The following DLC1 variants were observed in gnomAD, a reference collection of about 807,000 sequenced individuals.
DLC1 encodes the protein rho GTPase-activating protein 7.
A neutral mutation model predicts 140.3 loss-of-function variants in DLC1; 54 were observed. The ratio of observed to expected loss-of-function variants is 0.38; its 90% CI spans 0.31 to 0.48. DLC1 has a LOEUF of 0.48. DLC1 is among the 20% of genes least tolerant of loss of function. The probability of loss-of-function intolerance (pLI) is 0.96; values close to 1 mark genes in which losing one functional copy is unlikely to be tolerated. For missense variants in DLC1, 2,536 were observed against 1,907.0 expected, an observed-to-expected ratio of 1.33 and a Z score of -6.14; for synonymous variants, 986 against 728.1, an observed-to-expected ratio of 1.35 and a Z score of -5.70.
chr8:13,444,397 A>G lies in DLC1; in HGVS notation c.1024-42778T>C, dbSNP rs780869342. Among the ~76,000 whole-genome samples, 6 of 152,146 alleles carry G rather than the reference A, an allele frequency of 3.9e-5. No individual in the cohort carries two copies. The South Asian group carries it at 1.0e-3, about 26-fold the overall frequency. On this transcript the variant is annotated intron_variant, in intron 2 of 17. Coordinates refer to ENST00000276297, the MANE Select transcript of DLC1 (RefSeq NM_182643.3). The stretch of plus-strand genomic sequence containing the variant: ...AAACCAACATGACACATGTATACCT[A>G]TGTAACAAACCTGCACATTATGCAC...
chr8:13,586,021 T>A (rs1805294345), intron 1 of DLC1, among the ~76,000 whole-genome samples: 1 of 152,152 alleles, frequency 6.6e-6, no homozygotes, highest in East Asian at 1.9e-4. Context: ...AAATAGACAT[T>A]CAAGGGAATG....
intron 5 of DLC1, among the ~76,000 whole-genome samples, chr8:13,154,170 G>A (rs777714420): frequency 3.3e-5 from 5 of 152,236 alleles, no homozygotes; most frequent in Admixed American, 6.5e-5. Flanking sequence ...AAGCCCAGCT[G>A]GCTTCCCCTA....
chr8:13,334,809 A>G (rs1363089785), intron 4 of DLC1, among the ~76,000 whole-genome samples: 3 of 152,222 alleles, frequency 2.0e-5, no homozygotes, highest in Non-Finnish European at 4.4e-5. Context: ...AGATGTCCAA[A>G]GTAGAGATTT....
At chr8:13,222,341 T>C (rs1056891310) in intron 5 of DLC1, among the ~76,000 whole-genome samples, 3 of 152,166 alleles carry the variant, frequency 2.0e-5, no homozygotes, top group Non-Finnish European at 4.4e-5. Context: ...TTATTCTGTA[T>C]TGGATTTTGA....
chr8:13,178,744 C>A (rs1236134650), intron 5 of DLC1, among the ~76,000 whole-genome samples: 2 of 151,654 alleles, frequency 1.3e-5, no homozygotes, highest in Middle Eastern at 3.4e-3. Flanking sequence ...GACAGATAAT[C>A]CTCTACATAT....
Position 13,474,505 on chromosome 8 carries a change from A to G in DLC1, c.1023+24544T>C, listed in dbSNP as rs370921205. Among the ~76,000 whole-genome samples, 315 of 152,260 alleles carry G rather than the reference A, an allele frequency of 2.1e-3. 7 individuals are homozygous for G. In the South Asian group the frequency reaches 0.057, roughly 27 times the overall value. On this transcript the variant is annotated intron_variant, in intron 2 of 17. Coordinates refer to ENST00000276297, the MANE Select transcript of DLC1 (RefSeq NM_182643.3). ...CTAGTGGAGCTGTGAGAAAAGGGCC[A>G]CTGTCCTCCAGACCCCAGAATGGTA...
chr8:13,448,796 A>G (rs1036451256), intron 2 of DLC1, among the ~76,000 whole-genome samples: 2 of 152,216 alleles, frequency 1.3e-5, no homozygotes, highest in African/African-American at 4.8e-5. Flanking sequence ...GTTTTTGCAC[A>G]GATTAGGTCA....
At chr8:13,176,818 A>G (rs561960131) in intron 5 of DLC1, among the ~76,000 whole-genome samples, 8 of 152,294 alleles carry the variant, frequency 5.3e-5, no homozygotes, top group East Asian at 3.9e-4. Flanking sequence ...GGTGGGCCCA[A>G]TGTAATCACA....
intron 1 of DLC1, among the ~76,000 whole-genome samples, chr8:13,523,438 C>T (rs13272534): frequency 0.49 from 74,407 of 151,892 alleles, 19,419 homozygotes; most frequent in Non-Finnish European, 0.59. Flanking sequence ...TTTGGGCATG[C>T]TGTGTTTGAG....
chr8:13,102,922 T>G lies in DLC1; in HGVS notation c.1503-69A>C, dbSNP rs1819218387. 3 of 1,287,684 alleles carry G rather than the reference T, an allele frequency of 2.3e-6. No individual in the cohort carries two copies. In the East Asian group the frequency reaches 6.9e-5, roughly 30 times the overall value. 79.8% of individuals were successfully genotyped at this position (1,287,684 alleles called of 1,614,324 possible). On this transcript the variant is annotated intron_variant, in intron 7 of 17. Transcript: ENST00000276297. ...CTCTAATGAGTGGATAAACACCTGTTTTTAAACAATTCATATATTTAAGGA... is the reference window on the plus strand; with the variant it reads ...CTCTAATGAGTGGATAAACACCTGTGTTTAAACAATTCATATATTTAAGGA...
chr8:13,328,837 C>T (rs1483205128), intron 4 of DLC1, among the ~76,000 whole-genome samples: 3 of 152,054 alleles, frequency 2.0e-5, no homozygotes, highest in African/African-American at 7.2e-5. Context: ...ACAGACTCTT[C>T]CAAAATGAGC....
At chr8:13,158,749 C>CCCCCCA (rs1563120844) in intron 5 of DLC1, among the ~76,000 whole-genome samples, 3 of 102,458 alleles carry the variant, frequency 2.9e-5, no homozygotes, top group Admixed American at 9.3e-5. Context: ...CCCCCCCCCG[C>CCCCCCA]CCGCCACACA....
chr8:13,228,616 G>A (rs973344157), intron 5 of DLC1, among the ~76,000 whole-genome samples: 1 of 152,086 alleles, frequency 6.6e-6, no homozygotes, highest in Admixed American at 6.6e-5. Flanking sequence ...CCAGCATGGT[G>A]GCATGTGGCT....
intron 1 of DLC1, among the ~76,000 whole-genome samples, chr8:13,549,294 T>G (rs1247607045): frequency 2.0e-5 from 3 of 152,076 alleles, no homozygotes; most frequent in African/African-American, 7.2e-5. Context: ...AAAACAATTG[T>G]ATGAAAAGAA....
chr8:13,177,887 ATTC>A (rs1296732590), intron 5 of DLC1, among the ~76,000 whole-genome samples: 2 of 152,160 alleles, frequency 1.3e-5, no homozygotes, highest in African/African-American at 4.8e-5. Context: ...TTCTTCTCTT[ATTC>A]TTTCCATATT....
At chr8:13,198,819 C>A (rs1240726915) in intron 5 of DLC1, among the ~76,000 whole-genome samples, 1 of 151,536 alleles carries the variant, frequency 6.6e-6, no homozygotes, top group African/African-American at 2.4e-5. Flanking sequence ...TGGGTTCAAG[C>A]GATTCTCCTG....
At chr8:13,250,608 C>T (rs937677228) in intron 5 of DLC1, among the ~76,000 whole-genome samples, 10 of 152,122 alleles carry the variant, frequency 6.6e-5, no homozygotes, top group Admixed American at 2.0e-4. Context: ...GACTGAATAA[C>T]GATAAGGCTT....
chr8:13,385,632 A>C (rs1367662866), intron 4 of DLC1, among the ~76,000 whole-genome samples: 3 of 152,146 alleles, frequency 2.0e-5, no homozygotes, highest in Non-Finnish European at 4.4e-5. Context: ...CCAAATATTT[A>C]TATATGTGAT....
At chr8:13,143,846 G>GAGAGAGAGAC (rs1476183797) in intron 5 of DLC1, among the ~76,000 whole-genome samples, 17 of 148,508 alleles carry the variant, frequency 1.1e-4, no homozygotes, top group Non-Finnish European at 2.0e-4. Context: ...GAGAGAGAGA[G>GAGAGAGAGAC]AGAGAGACAT....
Sources: gnomAD v4.1 joint callset for allele counts (sites outside exome capture counted in the v4.1 genomes callset) on GRCh38, gnomAD v4.1.1 for gene constraint, MANE v1.5 for transcripts, NCBI Gene and HGNC (gene_info 2026-07-23, HGNC 2026-07-21) for gene names.